The following DTNA variants were observed in gnomAD, a reference collection of about 807,000 sequenced individuals.
The protein encoded by DTNA is dystrophin-related protein 3.
Under a neutral mutation model 100.7 loss-of-function variants are expected in DTNA, and 43 were observed. The ratio of observed to expected loss-of-function variants is 0.43; its 90% CI spans 0.33 to 0.55. DTNA has a LOEUF of 0.55. Ranked by LOEUF, DTNA falls within the 20% of genes least tolerant of loss-of-function variation. DTNA has a pLI of 0.04. For synonymous variants in DTNA, 349 were observed against 347.9 expected (o/e 1.00, Z -0.04); for missense variants, 798 against 953.9 (o/e 0.84, Z 2.15).
intron 1 of DTNA, among the ~76,000 whole-genome samples, chr18:34,527,079 T>TTC (rs1205194507): frequency 1.3e-5 from 2 of 152,022 alleles, no homozygotes; most frequent in Non-Finnish European, 2.9e-5. Flanking sequence ...TCCCACTCTG[T>TTC]TCTCTCTCTC....
At chr18:34,814,328 G>T (rs1262883761) in intron 6 of DTNA, among the ~76,000 whole-genome samples, 1 of 152,118 alleles carries the variant, frequency 6.6e-6, no homozygotes, top group Admixed American at 6.5e-5. Flanking sequence ...ATGTGCTAAT[G>T]CCTCAGAATA....
At chr18:34,670,220 C>G (rs1439079337) in intron 1 of DTNA, among the ~76,000 whole-genome samples, 1 of 152,222 alleles carries the variant, frequency 6.6e-6, no homozygotes, top group African/African-American at 2.4e-5. Context: ...GAATTGGCTA[C>G]TGAAGCTTGT....
chr18:34,673,025 T>C (rs1177783667), intron 1 of DTNA, among the ~76,000 whole-genome samples: 2 of 152,160 alleles, frequency 1.3e-5, no homozygotes. Flanking sequence ...TGTCTCTTGA[T>C]CTATTTTTAA....
Position 34,774,253 on chromosome 18 carries a change from T to C in DTNA, c.148+8212T>C, listed in dbSNP as rs544523409. Among the ~76,000 whole-genome samples, 10 of 152,352 alleles carry C rather than the reference T, an allele frequency of 6.6e-5. No homozygotes were observed. In the South Asian group the frequency reaches 1.2e-3, roughly 19 times the overall value. Reference sequence around the variant, plus strand: ...CTGGTGGCCTGCCAAGCCCTGTTTCTGGGAAACTGCCTGCTTGGCTTGGAG... The same window carrying C: ...CTGGTGGCCTGCCAAGCCCTGTTTCCGGGAAACTGCCTGCTTGGCTTGGAG... On this transcript the variant is annotated intron_variant, in intron 3 of 22. Coordinates refer to ENST00000444659, the MANE Select transcript of DTNA (RefSeq NM_001386795.1).
At chr18:34,837,149 T>C (rs1352621161) in intron 11 of DTNA, among the ~76,000 whole-genome samples, 1 of 152,188 alleles carries the variant, frequency 6.6e-6, no homozygotes, top group Admixed American at 6.5e-5. Context: ...TTTATTTTTC[T>C]ATTTTCCATG....
chr18:34,537,216 C>T (rs1020638457), intron 1 of DTNA, among the ~76,000 whole-genome samples: 1 of 151,876 alleles, frequency 6.6e-6, no homozygotes, highest in African/African-American at 2.4e-5. Flanking sequence ...TTTTTACATC[C>T]TACTAAAGTT....
chr18:34,646,353 G>C (rs367559518), intron 1 of DTNA, among the ~76,000 whole-genome samples: 1 of 152,228 alleles, frequency 6.6e-6, no homozygotes, highest in African/African-American at 2.4e-5. Context: ...GGACGATACA[G>C]CTCATACAAA....
intron 9 of DTNA, among the ~76,000 whole-genome samples, chr18:34,827,134 G>T (rs1180710812): frequency 6.6e-6 from 1 of 152,162 alleles, no homozygotes; most frequent in Non-Finnish European, 1.5e-5. Flanking sequence ...TGTCCTTTCA[G>T]ACCAGGCATG....
chr18:34,595,170 G>T (rs553625649), intron 1 of DTNA, among the ~76,000 whole-genome samples: 1 of 152,310 alleles, frequency 6.6e-6, no homozygotes, highest in East Asian at 1.9e-4. Context: ...GTACTGAATG[G>T]TTGACAATAA....
At chr18:34,832,789 T>C (rs925401005) in intron 11 of DTNA, among the ~76,000 whole-genome samples, 1 of 152,176 alleles carries the variant, frequency 6.6e-6, no homozygotes, top group Non-Finnish European at 1.5e-5. Context: ...AAAGAAACAA[T>C]GTTTCAAGAC....
chr18:34,553,016 T>G (rs1027616533), intron 1 of DTNA, among the ~76,000 whole-genome samples: 10 of 151,084 alleles, frequency 6.6e-5, no homozygotes, highest in African/African-American at 2.4e-4. Context: ...TGTTCCTATT[T>G]CTCCACATCC....
intron 1 of DTNA, among the ~76,000 whole-genome samples, chr18:34,570,933 A>C (rs1350122414): frequency 6.6e-6 from 1 of 152,192 alleles, no homozygotes; most frequent in African/African-American, 2.4e-5. Flanking sequence ...GAAAGCTATG[A>C]GGTACTTTGT....
chr18:34,676,042 G>A (rs760979318), intron 1 of DTNA, among the ~76,000 whole-genome samples: 2 of 152,144 alleles, frequency 1.3e-5, no homozygotes, highest in African/African-American at 2.4e-5. Context: ...ATAATAACAC[G>A]AATGTTAACT....
At position 34,679,286 on chromosome 18, in the gene DTNA, T is replaced by C. The variant is rs185766374; in HGVS notation, c.-1-76690T>C. On this transcript the variant is annotated intron_variant, in intron 1 of 19. Coordinates refer to the DTNA transcript ENST00000283365. Reference sequence around the variant, plus strand: ...GACTTCTACCATAAATGTCTGTTATTATAAATATTTCTTATACTAAATGAA... The same window carrying C: ...GACTTCTACCATAAATGTCTGTTATCATAAATATTTCTTATACTAAATGAA... 7.9e-5 allele frequency among the ~76,000 whole-genome samples: 12 copies of C among 152,292 alleles called. No homozygotes were observed. In the East Asian group the frequency reaches 2.3e-3, roughly 29 times the overall value.
intron 1 of DTNA, among the ~76,000 whole-genome samples, chr18:34,519,654 G>T (rs1236976568): frequency 6.6e-6 from 1 of 152,050 alleles, no homozygotes; most frequent in African/African-American, 2.4e-5. Flanking sequence ...TGTTTTTCAA[G>T]CTACTTTTTT....
At chr18:34,614,941 A>G (rs957151329) in intron 1 of DTNA, among the ~76,000 whole-genome samples, 3 of 152,252 alleles carry the variant, frequency 2.0e-5, no homozygotes, top group African/African-American at 7.2e-5. Flanking sequence ...ATTTCACAGT[A>G]CAGAGAAGTC....
intron 11 of DTNA, among the ~76,000 whole-genome samples, chr18:34,834,712 G>A (rs1218268514): frequency 1.3e-5 from 2 of 152,010 alleles, no homozygotes; most frequent in African/African-American, 2.4e-5. Flanking sequence ...AGCCCTCAAG[G>A]GAACTAATAG....
In DTNA at chr18:34,882,327, T is replaced by C. The variant is rs1331328215; in HGVS notation, c.2295+126T>C. 56 of 1,280,248 alleles carry C rather than the reference T, an allele frequency of 4.4e-5. No individual in the cohort carries two copies. The South Asian group carries it at 6.8e-4, about 16-fold the overall frequency. The allele number at this position is 1,280,248 out of a possible 1,614,324, so 79.3% of individuals were successfully genotyped here. Reference sequence around the variant, plus strand: ...ACCCTCCCTTTTCAAAATACACTGATTTCACTCCTTAATCCGTGTCTTTTA... The same window carrying C: ...ACCCTCCCTTTTCAAAATACACTGACTTCACTCCTTAATCCGTGTCTTTTA... On this transcript the variant is annotated intron_variant, in intron 21 of 22. Coordinates refer to ENST00000444659, the MANE Select transcript of DTNA (RefSeq NM_001386795.1).
At chr18:34,645,111 A>G (rs1246159508) in intron 1 of DTNA, among the ~76,000 whole-genome samples, 3 of 152,114 alleles carry the variant, frequency 2.0e-5, no homozygotes, top group African/African-American at 7.2e-5. Context: ...TTCACTCCAT[A>G]GCTTTTCAAC....
Sources: allele counts gnomAD v4.1 joint callset (sites outside exome capture counted in the v4.1 genomes callset), GRCh38; gene constraint gnomAD v4.1.1; transcripts MANE v1.5; gene names NCBI Gene and HGNC (gene_info 2026-07-23, HGNC 2026-07-21).